Variants in MECOM observed in about 807,000 individuals in gnomAD.
The protein encoded by MECOM is histone-lysine N-methyltransferase MECOM.
Under a neutral mutation model 116.3 loss-of-function variants are expected in MECOM, and 13 were observed. The observed-to-expected ratio is 0.11, with a 90% confidence interval of 0.07 to 0.18. The LOEUF is 0.18. MECOM is among the 10% of genes least tolerant of loss of function. The probability of loss-of-function intolerance (pLI) is 1.00; values close to 1 mark genes in which losing one functional copy is unlikely to be tolerated. For synonymous variants in MECOM, 528 were observed against 535.2 expected, an observed-to-expected ratio of 0.99 and a Z score of 0.19; for missense variants, 1,299 against 1,509.0, an observed-to-expected ratio of 0.86 and a Z score of 2.31.
At chr3:169,477,536 TTC>T (rs1750677178) in intron 1 of MECOM, among the ~76,000 whole-genome samples, 1 of 152,174 alleles carries the variant, frequency 6.6e-6, no homozygotes, top group Non-Finnish European at 1.5e-5. Flanking sequence ...CCAAGAGCAC[TTC>T]TCTGTTTCTT....
intron 2 of MECOM, among the ~76,000 whole-genome samples, chr3:169,295,202 A>G (rs1715365591): frequency 6.6e-6 from 1 of 152,078 alleles, no homozygotes; most frequent in South Asian, 2.1e-4. Flanking sequence ...GTTGACTTTT[A>G]TCTATTTTAT....
chr3:169,299,557 T>C (rs1716309143), intron 2 of MECOM, among the ~76,000 whole-genome samples: 1 of 152,132 alleles, frequency 6.6e-6, no homozygotes, highest in South Asian at 2.1e-4. Flanking sequence ...AAAGTAAAGT[T>C]CACCCCAGTC....
intron 5 of MECOM, among the ~76,000 whole-genome samples, chr3:169,123,342 T>A (rs182451472): frequency 3.1e-4 from 47 of 151,270 alleles, no homozygotes; most frequent in South Asian, 8.4e-4. Flanking sequence ...ATATATATAT[T>A]ACATAATATA....
intron 1 of MECOM, among the ~76,000 whole-genome samples, chr3:169,610,392 TTG>T (rs1201547373): frequency 6.6e-6 from 1 of 152,076 alleles, no homozygotes; most frequent in Non-Finnish European, 1.5e-5. Flanking sequence ...GCAAATAATA[TTG>T]TGTGTTTACC....
intron 2 of MECOM, among the ~76,000 whole-genome samples, chr3:169,380,836 C>G (rs981988368): frequency 1.9e-4 from 29 of 152,106 alleles, no homozygotes; most frequent in Middle Eastern, 3.2e-3. Flanking sequence ...AGATAAAATG[C>G]AATAAACATG....
chr3:169,358,900 T>G (rs1289532813), intron 2 of MECOM, among the ~76,000 whole-genome samples: 2 of 151,754 alleles, frequency 1.3e-5, no homozygotes, highest in Admixed American at 1.3e-4. Context: ...TATGCTAAAT[T>G]TTTAACCCTT....
At chr3:169,542,458 G>A (rs1475122667) in intron 1 of MECOM, among the ~76,000 whole-genome samples, 3 of 152,166 alleles carry the variant, frequency 2.0e-5, no homozygotes, top group Non-Finnish European at 4.4e-5. Context: ...GGGGACTCTA[G>A]GAGCCAATTT....
intron 1 of MECOM, among the ~76,000 whole-genome samples, chr3:169,538,990 G>A (rs1328190481): frequency 1.3e-5 from 2 of 149,898 alleles, no homozygotes; most frequent in Non-Finnish European, 3.0e-5. Flanking sequence ...ATTTATTTCA[G>A]AATTTGCATT....
chr3:169,630,352 C>T (rs756235892), intron 1 of MECOM, among the ~76,000 whole-genome samples: 1 of 151,798 alleles, frequency 6.6e-6, no homozygotes, highest in Non-Finnish European at 1.5e-5. Context: ...GACAAGGGGC[C>T]CATGAGAAGG....
intron 1 of MECOM, among the ~76,000 whole-genome samples, chr3:169,401,555 G>A (rs550414092): frequency 2.6e-4 from 40 of 152,228 alleles, no homozygotes; most frequent in African/African-American, 9.4e-4. Flanking sequence ...CACGATCAAC[G>A]AACTATGTCC....
intron 9 of MECOM, among the ~76,000 whole-genome samples, chr3:169,108,423 ACT>A (rs1726174103): frequency 6.6e-6 from 1 of 152,192 alleles, no homozygotes; most frequent in African/African-American, 2.4e-5. Flanking sequence ...TTGGAAATTC[ACT>A]ACTTGATTTT....
intron 2 of MECOM, among the ~76,000 whole-genome samples, chr3:169,195,223 A>T (rs1471692057): frequency 1.3e-5 from 2 of 152,060 alleles, no homozygotes; most frequent in African/African-American, 4.8e-5. Context: ...ATTAAACAAG[A>T]TCCTGAATAC....
chr3:169,399,496 T>A (rs746648605), intron 1 of MECOM, among the ~76,000 whole-genome samples: 1 of 152,232 alleles, frequency 6.6e-6, no homozygotes, highest in African/African-American at 2.4e-5. Context: ...TCTCTTCCAA[T>A]ACTTTTTAGA....
At chr3:169,659,261 T>TCACACACACACTCACATG (rs1775932647) in intron 1 of MECOM, among the ~76,000 whole-genome samples, 1 of 151,468 alleles carries the variant, frequency 6.6e-6, no homozygotes, top group Non-Finnish European at 1.5e-5. Flanking sequence ...TCACTCACAT[T>TCACACACACACTCACATG]CACACACACA....
chr3:169,278,026 A>ATT (rs1759830475), intron 2 of MECOM, among the ~76,000 whole-genome samples: 2 of 152,356 alleles, frequency 1.3e-5, no homozygotes, highest in South Asian at 4.1e-4. Flanking sequence ...CTATATTTAC[A>ATT]AACACAGTAT....
chr3:169,245,864 C>A (rs950271545), intron 2 of MECOM, among the ~76,000 whole-genome samples: 26 of 152,282 alleles, frequency 1.7e-4, no homozygotes, highest in Non-Finnish European at 2.5e-4. Context: ...ACAGATGGAA[C>A]ATGTTCAACT....
At chr3:169,237,075 C>T (rs761877679) in intron 2 of MECOM, among the ~76,000 whole-genome samples, 6 of 152,256 alleles carry the variant, frequency 3.9e-5, no homozygotes, top group Non-Finnish European at 7.4e-5. Flanking sequence ...TGAAGCTCTT[C>T]CTGAATTAAG....
At chr3:169,443,016 C>T (rs945498138) in intron 1 of MECOM, among the ~76,000 whole-genome samples, 1 of 151,978 alleles carries the variant, frequency 6.6e-6, no homozygotes, top group Non-Finnish European at 1.5e-5. Context: ...GAATAAACCC[C>T]TTGAAAGAGG....
chr3:169,127,245 A>AT (rs1160547502), intron 5 of MECOM, among the ~76,000 whole-genome samples: 1 of 152,150 alleles, frequency 6.6e-6, no homozygotes, highest in Non-Finnish European at 1.5e-5. Flanking sequence ...TGTCACTGAA[A>AT]TATAATTTTT....
Sources: allele counts gnomAD v4.1 joint callset (sites outside exome capture counted in the v4.1 genomes callset), GRCh38; gene constraint gnomAD v4.1.1; transcripts MANE v1.5; gene names NCBI Gene and HGNC (gene_info 2026-07-23, HGNC 2026-07-21).